The following HMCN1 variants were observed in gnomAD, a reference collection of about 807,000 sequenced individuals.
HMCN1 encodes the protein hemicentin-1.
A neutral mutation model predicts 625.9 loss-of-function variants in HMCN1; 321 were observed. The observed-to-expected ratio is 0.51, with a 90% CI of 0.47 to 0.56. The LOEUF (loss-of-function observed/expected upper bound fraction) is 0.56, where lower values mean the gene tolerates loss of function less well. HMCN1 is among the 20% of genes least tolerant of loss of function. HMCN1 has a pLI of 0.00. For synonymous variants in HMCN1, 2,425 were observed against 2,417.6 expected (o/e 1.00, Z -0.09); for missense variants, 6,588 against 6,887.3 (o/e 0.96, Z 1.54).
intron 12 of HMCN1, among the ~76,000 whole-genome samples, chr1:185,962,991 C>T (rs1650137834): frequency 6.6e-6 from 1 of 152,082 alleles, no homozygotes; most frequent in South Asian, 2.1e-4. Flanking sequence ...AGAATTTCAA[C>T]AAATCTATTA....
chr1:185,980,891 T>G (rs1484547720), intron 16 of HMCN1, 87 bp from the exon 17 acceptor site: 3 of 854,004 alleles, frequency 3.5e-6, no homozygotes, highest in Non-Finnish European at 6.1e-6. Flanking sequence ...GTGCACACTT[T>G]CCATGCACAG....
intron 91 of HMCN1, among the ~76,000 whole-genome samples, 186 bp downstream of exon 91, chr1:186,144,889 C>T (rs1650216852): frequency 6.6e-6 from 1 of 152,210 alleles, no homozygotes; most frequent in East Asian, 1.9e-4. Context: ...GGGGCAGGAG[C>T]TGTGTCCTAT....
intron 1 of HMCN1, among the ~76,000 whole-genome samples, chr1:185,751,039 C>T (rs1208319250): frequency 6.6e-6 from 1 of 152,054 alleles, no homozygotes; most frequent in Non-Finnish European, 1.5e-5. Context: ...TTTAAACACA[C>T]CCAAATTAGT....
chr1:186,190,081 AG>A lies in HMCN1; in HGVS notation c.*204del, dbSNP rs1006553121. The A allele has an allele frequency of 4.8e-5, 30 of 620,442 alleles. No individual in the cohort carries two copies. Among genetic ancestry groups the A allele is most frequent in the South Asian group, 2.5e-4 (13 of 51,990 alleles). The allele number at this position is 620,442 out of a possible 1,614,324, so 38.4% of individuals were successfully genotyped here. On this transcript the variant is annotated 3_prime_UTR_variant, in exon 107 of 107. Coordinates refer to ENST00000271588, the MANE Select transcript of HMCN1 (RefSeq NM_031935.3). The stretch of plus-strand genomic sequence containing the variant: ...CATATCTTGAAGTATGGTCTAGAAA[AG>A]TCCCTTATTATTTTATTTATTACAC...
In HMCN1 at chr1:186,120,138, T is replaced by C. The variant is rs749861011; in HGVS notation, c.12222T>C (p.Asn4074=). The change falls in exon 80 of 107, where the codon AAT becomes AAC. Residue 4074 remains asparagine (N), a synonymous_variant. Transcript: ENST00000271588. ...AGTALGKIKL[N]VQVPPVISPH... is the part of the protein sequence containing the mutation. ...CAGCCTTGGGCAAAATCAAGTTAAA[T>C]GTCCAAGGTACCTAAATAATTCATC... 9 of 1,613,856 alleles carry C rather than the reference T, an allele frequency of 5.6e-6. No individual in the cohort carries two copies. Among genetic ancestry groups the C allele is most frequent in the Non-Finnish European group, 7.6e-6 (9 of 1,179,884 alleles).
Position 186,166,237 on chromosome 1 carries a change from A to G in HMCN1, c.15373A>G (p.Met5125Val). ...CTGCTCCCATAGCTGCCACAATGCC[A>G]TGGGGACTTACTACTGCTCCTGCCC... ...NPCSHSCHNA[M>V]GTYYCSCPKG... The change falls in exon 99 of 107, where the codon ATG becomes GTG. Residue 5125 changes from methionine (M) to valine (V), a missense_variant. Coordinates refer to ENST00000271588, the MANE Select transcript of HMCN1 (RefSeq NM_031935.3). The G allele has an allele frequency of 1.9e-6, 3 of 1,614,152 alleles. No homozygotes were observed. Among genetic ancestry groups the G allele is most frequent in the Non-Finnish European group, 2.5e-6 (3 of 1,180,012 alleles).
At chr1:185,925,508 T>G (rs1177056882) in intron 9 of HMCN1, among the ~76,000 whole-genome samples, 10 of 152,208 alleles carry the variant, frequency 6.6e-5, no homozygotes, top group Non-Finnish European at 1.5e-4. Context: ...ATGAAAATGA[T>G]GTTAAGTACA....
At chr1:185,808,959 C>T (rs1334290251) in intron 1 of HMCN1, among the ~76,000 whole-genome samples, 1 of 152,178 alleles carries the variant, frequency 6.6e-6, no homozygotes, top group Non-Finnish European at 1.5e-5. Context: ...TACCAGACCA[C>T]TTGTTCAAGG....
At chr1:185,867,764 A>G (rs994690041) in intron 4 of HMCN1, among the ~76,000 whole-genome samples, 1 of 152,100 alleles carries the variant, frequency 6.6e-6, no homozygotes, top group African/African-American at 2.4e-5. Flanking sequence ...GAGCAGTCAG[A>G]CACCACTTAG....
chr1:185,869,182 CT>C (rs1197345094), intron 4 of HMCN1, among the ~76,000 whole-genome samples: 1 of 152,172 alleles, frequency 6.6e-6, no homozygotes, highest in Non-Finnish European at 1.5e-5. Flanking sequence ...AGGAAATTAT[CT>C]TTTTGTTCAA....
At position 186,189,489 on chromosome 1, in the gene HMCN1, T is replaced by C. The variant is rs774887498; in HGVS notation, c.16542-23T>C. 10 of 1,611,734 alleles carry C rather than the reference T, an allele frequency of 6.2e-6. No homozygotes were observed. The South Asian group carries it at 1.1e-4, about 18-fold the overall frequency. On this transcript the variant is annotated intron_variant, in intron 106 of 106. Coordinates refer to ENST00000271588, the MANE Select transcript of HMCN1 (RefSeq NM_031935.3). ...TCCTACTTCCAGATAACTATGTGTA[T>C]TTGATATGTTTGTTGTCCTTAGGTT...
chr1:186,127,285 T>TAAGA (rs1661695275), intron 82 of HMCN1, among the ~76,000 whole-genome samples: 1 of 152,024 alleles, frequency 6.6e-6, no homozygotes, highest in African/African-American at 2.4e-5. Flanking sequence ...TTTGAGTTTG[T>TAAGA]AAGAAAGTAT....
intron 83 of HMCN1, 50 bp from the exon 84 acceptor site, chr1:186,129,916 T>C: frequency 6.2e-7 from 1 of 1,610,318 alleles, no homozygotes; most frequent in Non-Finnish European, 8.5e-7. Context: ...TGTCGTGAAA[T>C]TTTTCCTAGG....
Position 185,953,073 on chromosome 1 carries a change from G to A in HMCN1, c.1829-9445G>A, listed in dbSNP as rs188022939. 3.2e-3 allele frequency among the ~76,000 whole-genome samples: 485 copies of A among 151,402 alleles called. 12 individuals carry two copies. The highest frequency in any genetic ancestry group is 0.011 in the African/African-American group (466 of 41,076). ...TGCCACTAAGGGTGAAGGAGAAGGG[G>A]TTGAGGGGTACTTGCCCCTCCCCCA... On this transcript the variant is annotated intron_variant, in intron 11 of 106. Transcript: ENST00000271588.
chr1:185,796,337 C>T (rs1220368964), intron 1 of HMCN1, among the ~76,000 whole-genome samples: 3 of 152,240 alleles, frequency 2.0e-5, no homozygotes, highest in East Asian at 3.9e-4. Context: ...TAAGAGGCCA[C>T]GGACTGGTAT....
intron 1 of HMCN1, among the ~76,000 whole-genome samples, chr1:185,819,752 GA>G (rs1660073529): frequency 6.6e-6 from 1 of 152,134 alleles, no homozygotes; most frequent in Non-Finnish European, 1.5e-5. Flanking sequence ...CCAAATATTT[GA>G]AAACATGAGG....
chr1:185,993,564 A>C (rs1185011012), intron 23 of HMCN1: 2 of 414,004 alleles, frequency 4.8e-6, no homozygotes, highest in Non-Finnish European at 9.0e-6. Flanking sequence ...TCTACTGGTC[A>C]ACAGTCACTT....
At chr1:185,892,735 A>T (rs1010901515) in intron 4 of HMCN1, among the ~76,000 whole-genome samples, 1 of 151,970 alleles carries the variant, frequency 6.6e-6, no homozygotes, top group Admixed American at 6.5e-5. Flanking sequence ...AGGGACATTT[A>T]AGTCTGCAGA....
chr1:186,006,927 CAAAG>C (rs2102093574), intron 29 of HMCN1, among the ~76,000 whole-genome samples, 197 bp from the exon 30 acceptor site: 1 of 152,010 alleles, frequency 6.6e-6, no homozygotes, highest in South Asian at 2.1e-4. Flanking sequence ...CTTTTCATCT[CAAAG>C]AGATATTTAT....
Sources: gnomAD v4.1 joint callset for allele counts (sites outside exome capture counted in the v4.1 genomes callset) on GRCh38, gnomAD v4.1.1 for gene constraint, MANE v1.5 for transcripts, NCBI Gene and HGNC (gene_info 2026-07-23, HGNC 2026-07-21) for gene names.